Variants in TUSC3 observed in about 807,000 individuals in gnomAD.
TUSC3 encodes the protein tumor suppressor candidate 3, also known as dolichyl-diphosphooligosaccharide--protein glycosyltransferase subunit TUSC3.
TUSC3 carries 45 observed loss-of-function variants against 44.8 expected under a neutral mutation model. That is an observed-to-expected ratio of 1.00 (90% CI 0.79 to 1.29). The LOEUF (loss-of-function observed/expected upper bound fraction) is 1.29. TUSC3 is among the 50% of genes most tolerant of loss of function. The pLI is 0.00. For missense variants in TUSC3, 519 were observed against 437.9 expected (o/e 1.19, Z -1.65); for synonymous variants, 212 against 152.9 (o/e 1.39, Z -2.85).
At chr8:15,814,592 G>C in the TUSC3 span, among the ~76,000 whole-genome samples, 1 of 152,152 alleles carries the variant, frequency 6.6e-6, no homozygotes, top group Non-Finnish European at 1.5e-5. Context: ...TTGCTCAGGA[G>C]TTGAATGAAA....
chr8:15,624,000 C>G (rs928152515), intron 2 of TUSC3, among the ~76,000 whole-genome samples: 1 of 152,202 alleles, frequency 6.6e-6, no homozygotes, highest in East Asian at 1.9e-4. Flanking sequence ...TGACCTCTGG[C>G]AATCACTAGT....
chr8:15,573,192 C>CTATA (rs1802949386), intron 1 of TUSC3, among the ~76,000 whole-genome samples: 3 of 93,304 alleles, frequency 3.2e-5, no homozygotes, highest in East Asian at 3.8e-4. Context: ...CTCTCTCTCT[C>CTATA]TCTCTCTCTC....
At position 15,532,500 on chromosome 8, in the gene TUSC3, G is replaced by T. The variant is rs997827525; in HGVS notation, n.189+49017G>T. ...CTATGGTCCGTGTTTTTCTGAAGACGGTCTGGGATCCTCAATATTTAAAGT... is the reference window on the plus strand; with the variant it reads ...CTATGGTCCGTGTTTTTCTGAAGACTGTCTGGGATCCTCAATATTTAAAGT... On this transcript the variant is annotated intron_variant and non_coding_transcript_variant, in intron 2 of 5. Coordinates refer to the TUSC3 transcript ENST00000503191. Among the ~76,000 whole-genome samples the T allele has an allele frequency of 7.8e-4, 118 of 152,076 alleles. 4 individuals are homozygous for T. The highest frequency in any genetic ancestry group is 5.9e-5 in the Non-Finnish European group (4 of 68,010).
chr8:15,534,904 G>A (rs141300381), intron 2 of TUSC3, among the ~76,000 whole-genome samples: 110 of 152,322 alleles, frequency 7.2e-4, no homozygotes, highest in African/African-American at 2.6e-3. Context: ...CAGTCTGTGA[G>A]TGGTTGAAGT....
intron 1 of TUSC3, among the ~76,000 whole-genome samples, chr8:15,422,789 C>T (rs1343586208): frequency 6.6e-6 from 1 of 151,950 alleles, no homozygotes; most frequent in Non-Finnish European, 1.5e-5. Flanking sequence ...ACTACAGGCA[C>T]CCACCACCAA....
chr8:15,815,204 T>C, the TUSC3 span, among the ~76,000 whole-genome samples: 1 of 152,064 alleles, frequency 6.6e-6, no homozygotes, highest in Non-Finnish European at 1.5e-5. Flanking sequence ...TCAAGGAAGG[T>C]ATTGCACGAG....
intron 3 of TUSC3, among the ~76,000 whole-genome samples, chr8:15,654,554 T>G (rs1189841644): frequency 6.6e-6 from 1 of 152,158 alleles, no homozygotes; most frequent in Non-Finnish European, 1.5e-5. Context: ...CAAATCAGTC[T>G]TCTAATGAAC....
At chr8:15,657,640 C>G (rs1221981566) in intron 3 of TUSC3, among the ~76,000 whole-genome samples, 2 of 152,194 alleles carry the variant, frequency 1.3e-5, no homozygotes, top group Non-Finnish European at 2.9e-5. Context: ...TAGAATCACC[C>G]TCAGTGCTCC....
In TUSC3 at chr8:15,764,238, A is replaced by G. The variant is rs1812264331; in HGVS notation, c.*82A>G. 3 of 1,605,496 alleles carry G rather than the reference A, an allele frequency of 1.9e-6. No homozygotes were observed. Among genetic ancestry groups the G allele is most frequent in the East Asian group, 4.5e-5 (2 of 44,558 alleles). Reference sequence around the variant, plus strand: ...AAATGAAGCCAAGTGGGATTTGCATAAAGTGAATGTTTACCATGAAGATAA... The same window carrying G: ...AAATGAAGCCAAGTGGGATTTGCATGAAGTGAATGTTTACCATGAAGATAA... On this transcript the variant is annotated 3_prime_UTR_variant, in exon 11 of 11. Transcript: ENST00000503731.
At chr8:15,791,966 T>C in the TUSC3 span, among the ~76,000 whole-genome samples, 4 of 152,142 alleles carry the variant, frequency 2.6e-5, no homozygotes, top group African/African-American at 4.8e-5. Flanking sequence ...TTTCTTAGTA[T>C]TTAAAGGAGC....
At chr8:15,735,010 C>G (rs1810872687) in intron 7 of TUSC3, among the ~76,000 whole-genome samples, 1 of 152,122 alleles carries the variant, frequency 6.6e-6, no homozygotes, top group Non-Finnish European at 1.5e-5. Flanking sequence ...CATTGGGTAA[C>G]TTACGAATTC....
At chr8:15,817,528 G>A in the TUSC3 span, among the ~76,000 whole-genome samples, 1 of 151,998 alleles carries the variant, frequency 6.6e-6, no homozygotes, top group Non-Finnish European at 1.5e-5. Flanking sequence ...GAATCATGGG[G>A]GTGGTTACCT....
At chr8:15,774,662 A>G in the TUSC3 span, among the ~76,000 whole-genome samples, 19 of 152,178 alleles carry the variant, frequency 1.2e-4, no homozygotes, top group Admixed American at 6.5e-4. Context: ...AACTAATACA[A>G]TGAGCCAAGG....
intron 2 of TUSC3, among the ~76,000 whole-genome samples, chr8:15,497,392 G>A (rs990580865): frequency 6.6e-6 from 1 of 152,166 alleles, no homozygotes; most frequent in Non-Finnish European, 1.5e-5. Flanking sequence ...CCTCGCTCTT[G>A]CCCTGAAGGA....
At chr8:15,835,902 T>G in the TUSC3 span, among the ~76,000 whole-genome samples, 1 of 152,150 alleles carries the variant, frequency 6.6e-6, no homozygotes, top group African/African-American at 2.4e-5. Context: ...TATTTCTTCT[T>G]CTTACATTCA....
At chr8:15,791,104 A>C in the TUSC3 span, among the ~76,000 whole-genome samples, 1 of 152,210 alleles carries the variant, frequency 6.6e-6, no homozygotes, top group African/African-American at 2.4e-5. Context: ...TTTATCTTAG[A>C]AAAAAATTCA....
At chr8:15,780,108 G>A in the TUSC3 span, among the ~76,000 whole-genome samples, 3 of 152,228 alleles carry the variant, frequency 2.0e-5, no homozygotes, top group Admixed American at 1.3e-4. Context: ...AAAATAGGAG[G>A]CTCCTGACTT....
At chr8:15,806,287 A>C in the TUSC3 span, 1 of 659,626 alleles carries the variant, frequency 1.5e-6, no homozygotes, top group Non-Finnish European at 2.9e-6. Context: ...TCATTGGCTA[A>C]TGTGTACACC....
At chr8:15,851,660 C>T in the TUSC3 span, among the ~76,000 whole-genome samples, 2 of 152,170 alleles carry the variant, frequency 1.3e-5, no homozygotes, top group African/African-American at 2.4e-5. Context: ...CACCGCTGCT[C>T]AGATCAAGGT....
Sources: allele counts gnomAD v4.1 joint callset (sites outside exome capture counted in the v4.1 genomes callset), GRCh38; gene constraint gnomAD v4.1.1; transcripts MANE v1.5; gene names NCBI Gene and HGNC (gene_info 2026-07-23, HGNC 2026-07-21).